The following DKK2 variants were observed in gnomAD, a reference collection of about 807,000 sequenced individuals.
The protein encoded by DKK2 is dickkopf Wnt signaling pathway inhibitor 2, also known as dickkopf-related protein 2.
In DKK2, 11 loss-of-function variants were observed where a neutral mutation model predicts 28.1. The observed-to-expected ratio is 0.39, with a 90% CI of 0.25 to 0.65. The LOEUF (loss-of-function observed/expected upper bound fraction) is 0.65. Among genes scored for constraint, DKK2 ranks in the 30% least tolerant of loss-of-function variants. The pLI is 0.47. For synonymous variants in DKK2, 135 were observed against 126.5 expected, an observed-to-expected ratio of 1.07 and a Z score of -0.45; for missense variants, 326 against 335.5, an observed-to-expected ratio of 0.97 and a Z score of 0.22.
At chr4:106,950,254 C>A (rs565566675) in intron 1 of DKK2, among the ~76,000 whole-genome samples, 18 of 152,270 alleles carry the variant, frequency 1.2e-4, no homozygotes, top group African/African-American at 3.4e-4. Context: ...AGACCAAAAA[C>A]CTTGGAGCAA....
At chr4:107,024,799 T>A (rs1723748151) in intron 1 of DKK2, among the ~76,000 whole-genome samples, 1 of 152,186 alleles carries the variant, frequency 6.6e-6, no homozygotes. Context: ...TGCATATTTT[T>A]AAAAAATAGG....
chr4:106,971,536 C>G (rs1055180745), intron 1 of DKK2, among the ~76,000 whole-genome samples: 3 of 152,014 alleles, frequency 2.0e-5, no homozygotes, highest in African/African-American at 4.8e-5. Context: ...CACAGAAATG[C>G]TAAGTGATGC....
intron 1 of DKK2, among the ~76,000 whole-genome samples, chr4:107,013,431 T>C (rs1723542511): frequency 6.6e-6 from 1 of 151,306 alleles, no homozygotes. Context: ...ACCAAGAACA[T>C]ACATTAGGGA....
In DKK2 at chr4:106,995,699, G is replaced by A. The variant is rs1467095736; in HGVS notation, c.222+39671C>T. On this transcript the variant is annotated intron_variant, in intron 1 of 3. Transcript: ENST00000285311. Reference sequence around the variant, plus strand: ...GCGATCTCGGCTCACTGCAACCTGCGCCTCCTGGGTTCAAGCGATTCTCCT... The same window carrying A: ...GCGATCTCGGCTCACTGCAACCTGCACCTCCTGGGTTCAAGCGATTCTCCT... Among the ~76,000 whole-genome samples the A allele has an allele frequency of 2.6e-5, 4 of 152,074 alleles. No individual in the cohort carries two copies. In the South Asian group the frequency reaches 8.3e-4, roughly 32 times the overall value.
At chr4:107,017,761 T>G (rs930054816) in intron 1 of DKK2, among the ~76,000 whole-genome samples, 1 of 150,864 alleles carries the variant, frequency 6.6e-6, no homozygotes, top group African/African-American at 2.5e-5. Flanking sequence ...ATTGCCTATA[T>G]TTTTGAAATC....
chr4:106,978,803 G>GAAAAAC (rs1722983002), intron 1 of DKK2, among the ~76,000 whole-genome samples: 1 of 150,512 alleles, frequency 6.6e-6, no homozygotes, highest in African/African-American at 2.4e-5. Flanking sequence ...AAAAGAAAAA[G>GAAAAAC]AAAACAAACA....
At chr4:106,937,866 C>G (rs1003795513) in intron 1 of DKK2, among the ~76,000 whole-genome samples, 23 of 152,028 alleles carry the variant, frequency 1.5e-4, no homozygotes, top group African/African-American at 4.8e-4. Context: ...CCTGAATGAA[C>G]TACTGGGTAC....
At chr4:106,969,962 C>T (rs964350332) in intron 1 of DKK2, among the ~76,000 whole-genome samples, 4 of 152,054 alleles carry the variant, frequency 2.6e-5, no homozygotes, top group Non-Finnish European at 5.9e-5. Context: ...TATACAGTTT[C>T]AGGGATATTA....
chr4:106,967,672 G>A (rs948720691), intron 1 of DKK2, among the ~76,000 whole-genome samples: 15 of 151,886 alleles, frequency 9.9e-5, no homozygotes, highest in African/African-American at 3.6e-4. Context: ...AGCAGACAAT[G>A]CCTGACACTT....
intron 1 of DKK2, among the ~76,000 whole-genome samples, chr4:106,942,955 G>T (rs1323374645): frequency 6.6e-6 from 1 of 152,008 alleles, no homozygotes; most frequent in Admixed American, 6.6e-5. Flanking sequence ...ACTTCTCCAG[G>T]TCTTGTATTA....
intron 1 of DKK2, among the ~76,000 whole-genome samples, chr4:106,952,020 A>G (rs1560578537): frequency 6.6e-6 from 1 of 152,178 alleles, no homozygotes; most frequent in Non-Finnish European, 1.5e-5. Context: ...ACAAAACTAA[A>G]GAATCTTAGA....
intron 1 of DKK2, among the ~76,000 whole-genome samples, chr4:107,017,866 C>G (rs1447153084): frequency 6.6e-6 from 1 of 151,856 alleles, no homozygotes; most frequent in Non-Finnish European, 1.5e-5. Context: ...GACTACTTAC[C>G]TTTGGAATGT....
chr4:106,965,859 T>C (rs1372979303), intron 1 of DKK2, among the ~76,000 whole-genome samples: 1 of 149,676 alleles, frequency 6.7e-6, no homozygotes, highest in Non-Finnish European at 1.5e-5. Context: ...GGTTTTTTGT[T>C]CTTGCGATAG....
intron 1 of DKK2, among the ~76,000 whole-genome samples, chr4:107,026,216 T>C (rs1723776492): frequency 6.6e-6 from 1 of 152,202 alleles, no homozygotes; most frequent in Non-Finnish European, 1.5e-5. Flanking sequence ...TTAATGATAA[T>C]ATTTAAGCAC....
chr4:106,934,446 T>G (rs1006173773), intron 1 of DKK2, among the ~76,000 whole-genome samples: 2 of 152,210 alleles, frequency 1.3e-5, no homozygotes, highest in Non-Finnish European at 2.9e-5. Flanking sequence ...TATTAAAAAT[T>G]GTGTTTTGTT....
chr4:106,946,375 C>G (rs1724775831), intron 1 of DKK2, among the ~76,000 whole-genome samples: 2 of 151,800 alleles, frequency 1.3e-5, no homozygotes, highest in Non-Finnish European at 2.9e-5. Flanking sequence ...AAAAATGATC[C>G]CTGGGAAGTA....
At chr4:106,979,584 A>G (rs1260300488) in intron 1 of DKK2, among the ~76,000 whole-genome samples, 3 of 152,066 alleles carry the variant, frequency 2.0e-5, no homozygotes, top group African/African-American at 4.8e-5. Flanking sequence ...CCTCCTGTGT[A>G]CCATAAATAG....
Position 106,992,753 on chromosome 4 carries a change from G to C in DKK2, c.222+42617C>G, listed in dbSNP as rs568854151. Among the ~76,000 whole-genome samples the C allele has an allele frequency of 5.7e-4, 87 of 152,312 alleles. 1 individual carries two copies. Among genetic ancestry groups the C allele is most frequent in the Non-Finnish European group, 1.2e-3 (85 of 68,022 alleles). ...TAAATTCTAATGTTCTGGGGGCAGAGTGTAGCAGAGGGAGATTTCTCTATT... is the reference window on the plus strand; with the variant it reads ...TAAATTCTAATGTTCTGGGGGCAGACTGTAGCAGAGGGAGATTTCTCTATT... On this transcript the variant is annotated intron_variant, in intron 1 of 3. Coordinates refer to ENST00000285311, the MANE Select transcript of DKK2 (RefSeq NM_014421.3).
chr4:106,964,702 G>A lies in DKK2; in HGVS notation c.223-38753C>T, dbSNP rs151085570. On this transcript the variant is annotated intron_variant, in intron 1 of 3. Transcript: ENST00000285311. ...AACATCTATAATCAGTTTTCTTTAA[G>A]TGAAGGAGATTACCCTGGATAATGT... is the stretch of plus-strand genomic sequence containing the variant. 5.2e-4 allele frequency among the ~76,000 whole-genome samples: 79 copies of A among 152,132 alleles called. 1 individual carries two copies. The highest frequency in any genetic ancestry group is 1.7e-3 in the African/African-American group (72 of 41,518).
Sources: allele counts gnomAD v4.1 joint callset (sites outside exome capture counted in the v4.1 genomes callset), GRCh38; gene constraint gnomAD v4.1.1; transcripts MANE v1.5; gene names NCBI Gene and HGNC (gene_info 2026-07-23, HGNC 2026-07-21).